The following RUFY1 variants were observed in gnomAD, a reference collection of about 807,000 sequenced individuals.
The protein encoded by RUFY1 is RUN and FYVE domain-containing protein 1.
Under a neutral mutation model 94.6 loss-of-function variants are expected in RUFY1, and 54 were observed. The observed-to-expected ratio is 0.57, with a 90% confidence interval of 0.46 to 0.72. The LOEUF is 0.72. RUFY1 is among the 30% of genes least tolerant of loss of function. The pLI, the probability that RUFY1 is intolerant of heterozygous loss-of-function variation, is 0.00. For synonymous variants in RUFY1, 396 were observed against 347.3 expected (o/e 1.14, Z -1.56); for missense variants, 883 against 883.9 (o/e 1.00, Z 0.01).
At chr5:179,573,775 GC>G (rs1763403747) in intron 5 of RUFY1, among the ~76,000 whole-genome samples, 1 of 152,094 alleles carries the variant, frequency 6.6e-6, no homozygotes, top group Non-Finnish European at 1.5e-5. Context: ...GCCCACTTTG[GC>G]CTCCCAAAGT....
chr5:179,580,215 G>A (rs1004593914), intron 6 of RUFY1, among the ~76,000 whole-genome samples: 6 of 54,826 alleles, frequency 1.1e-4, no homozygotes, highest in Middle Eastern at 8.6e-3. Flanking sequence ...CCGTGTGTGT[G>A]TGTGTGTGTG....
At chr5:179,572,782 C>T (rs1763322479) in intron 5 of RUFY1, 1 of 154,216 alleles carries the variant, frequency 6.5e-6, no homozygotes, top group African/African-American at 2.4e-5. Context: ...TACTGGGTAC[C>T]CTGTGCTAAC....
At chr5:179,583,478 G>A (rs1266043068) in intron 7 of RUFY1, among the ~76,000 whole-genome samples, 28 of 141,406 alleles carry the variant, frequency 2.0e-4, no homozygotes, top group East Asian at 1.7e-3. Flanking sequence ...GTGCAGTAGC[G>A]CGATCTCGGC....
At chr5:179,563,317 C>G (rs1310020316) in intron 3 of RUFY1, among the ~76,000 whole-genome samples, 1 of 152,174 alleles carries the variant, frequency 6.6e-6, no homozygotes, top group Non-Finnish European at 1.5e-5. Context: ...GCCCTCAGGA[C>G]CTGCTCAATG....
rs1653544080 is a variant in RUFY1, at chr5:179,585,827, G to A, written c.988G>A (p.Asp330Asn). 6.2e-7 allele frequency: 1 copy of A among 1,613,766 alleles called. No homozygotes were observed. Among genetic ancestry groups the A allele is most frequent in the Admixed American group, 1.7e-5 (1 of 59,998 alleles). The change falls in exon 8 of 18, where the codon GAT becomes AAT. Residue 330 changes from aspartate (D) to asparagine (N), a missense_variant. By Grantham distance (23) the Asp-to-Asn change is conservative. Transcript: ENST00000319449. ...CTVGDLQTKIDGLEKTNSKLQ... is the reference protein window; with the variant it reads ...CTVGDLQTKINGLEKTNSKLQ... ...AGTTGGGGATCTTCAAACCAAGATAGATGGCTTGGAAAAGACTAACTCAAA... is the reference window on the plus strand; with the variant it reads ...AGTTGGGGATCTTCAAACCAAGATAAATGGCTTGGAAAAGACTAACTCAAA...
chr5:179,567,674 TG>T, intron 4 of RUFY1, 112 bp downstream of exon 4: 1 of 693,860 alleles, frequency 1.4e-6, no homozygotes, highest in Non-Finnish European at 2.5e-6. Context: ...CAAGATCAGG[TG>T]GATTGCTTGA....
At chr5:179,569,475 T>A (rs1763063810) in intron 5 of RUFY1, 50 bp downstream of exon 5, 1 of 1,589,242 alleles carries the variant, frequency 6.3e-7, no homozygotes, top group African/African-American at 1.3e-5. Flanking sequence ...GTCCAGGGAC[T>A]TTACATAGGA....
intron 2 of RUFY1, 136 bp downstream of exon 2, chr5:179,560,334 G>A: frequency 9.0e-7 from 1 of 1,113,748 alleles, no homozygotes; most frequent in Non-Finnish European, 1.3e-6. Flanking sequence ...CCTGTATTCA[G>A]AAGCGACGTC....
At chr5:179,593,832 C>T (rs1765308611) in intron 11 of RUFY1, among the ~76,000 whole-genome samples, 187 bp downstream of exon 11, 1 of 152,166 alleles carries the variant, frequency 6.6e-6, no homozygotes. Flanking sequence ...ATGTAAGTGA[C>T]AAGGCAGAGC....
At chr5:179,559,517 G>A (rs1025721646) in intron 1 of RUFY1, among the ~76,000 whole-genome samples, 1 of 152,212 alleles carries the variant, frequency 6.6e-6, no homozygotes, top group Non-Finnish European at 1.5e-5. Context: ...TCTGGGCGGG[G>A]TGCGCATCCT....
intron 9 of RUFY1, among the ~76,000 whole-genome samples, chr5:179,590,353 C>CA (rs572220764): frequency 0.017 from 2,329 of 136,964 alleles, 25 homozygotes; most frequent in Non-Finnish European, 0.021. Context: ...GACTCCGTCT[C>CA]AAAAAAAAAA....
chr5:179,605,805 G>A (rs1767014992), intron 15 of RUFY1, 71 bp from the exon 16 acceptor site: 4 of 1,014,856 alleles, frequency 3.9e-6, no homozygotes, highest in Admixed American at 1.7e-5. Context: ...AGTCCTGAGA[G>A]CCAGCTGTGT....
At chr5:179,563,541 A>G (rs1762599054) in intron 3 of RUFY1, among the ~76,000 whole-genome samples, 1 of 151,820 alleles carries the variant, frequency 6.6e-6, no homozygotes, top group Admixed American at 6.6e-5. Flanking sequence ...ATCCCATGAA[A>G]CTCCATTGCT....
chr5:179,560,725 CAA>C (rs68093858), intron 2 of RUFY1, among the ~76,000 whole-genome samples: 126 of 78,782 alleles, frequency 1.6e-3, no homozygotes, highest in Non-Finnish European at 2.3e-3. Context: ...GACTCCGTCT[CAA>C]AAAAAAAAAA....
intron 5 of RUFY1, among the ~76,000 whole-genome samples, chr5:179,573,801 C>T (rs1185675286): frequency 2.0e-5 from 3 of 152,054 alleles, no homozygotes; most frequent in Non-Finnish European, 2.9e-5. Flanking sequence ...GGATTACAGG[C>T]GTGAGCCACC....
At chr5:179,592,749 G>C (rs1765220997) in intron 10 of RUFY1, among the ~76,000 whole-genome samples, 1 of 152,160 alleles carries the variant, frequency 6.6e-6, no homozygotes, top group African/African-American at 2.4e-5. Flanking sequence ...AACATGTCCT[G>C]GGTCAGGACA....
chr5:179,572,473 CG>C (rs552243171), intron 5 of RUFY1: 184 of 188,192 alleles, frequency 9.8e-4, no homozygotes, highest in African/African-American at 4.3e-3. Flanking sequence ...GCTGATGTGA[CG>C]GGAAGCTTGT....
chr5:179,553,315 G>C (rs7736163), intron 1 of RUFY1, among the ~76,000 whole-genome samples: 60,472 of 152,082 alleles, frequency 0.4, 12,412 homozygotes, highest in East Asian at 0.69. Flanking sequence ...GCTGTAGTAA[G>C]GGGGAGTCTG....
chr5:179,580,526 G>T (rs1442786786), intron 6 of RUFY1, among the ~76,000 whole-genome samples: 1 of 150,454 alleles, frequency 6.6e-6, no homozygotes, highest in African/African-American at 2.4e-5. Context: ...ACAGGCGTGA[G>T]CCACCACGCC....
Sources: gnomAD v4.1 joint callset for allele counts (sites outside exome capture counted in the v4.1 genomes callset) on GRCh38, gnomAD v4.1.1 for gene constraint, MANE v1.5 for transcripts, NCBI Gene and HGNC (gene_info 2026-07-23, HGNC 2026-07-21) for gene names.